ERICH1: variants seen among roughly 807,000 people sequenced by gnomAD.
ERICH1 encodes glutamate rich 1, also known as glutamate-rich protein 1.
In ERICH1, 56 loss-of-function variants were observed where a neutral mutation model predicts 39.6. The ratio of observed to expected loss-of-function variants is 1.41; its 90% CI spans 1.14 to 1.77. The LOEUF (loss-of-function observed/expected upper bound fraction) is 1.77, where lower values mean the gene tolerates loss of function less well. Ranked by LOEUF, ERICH1 falls within the 40% of genes most tolerant of loss-of-function variation. The pLI is 0.00. For missense variants in ERICH1, 826 were observed against 575.4 expected (o/e 1.44, Z -4.45); for synonymous variants, 313 against 223.6 (o/e 1.40, Z -3.57).
Position 699,931 on chromosome 8 carries a change from G to A in ERICH1, c.170-7319C>T, listed in dbSNP as rs527562097. On this transcript the variant is annotated intron_variant, in intron 2 of 5. Coordinates refer to ENST00000262109, the MANE Select transcript of ERICH1 (RefSeq NM_207332.3). Reference sequence around the variant, plus strand: ...CACAGGCGCACAGGCCCGCACAGGCGCACAGACCCGCACACGCGCACAGGC... The same window carrying A: ...CACAGGCGCACAGGCCCGCACAGGCACACAGACCCGCACACGCGCACAGGC... Among the ~76,000 whole-genome samples, 10 of 133,530 alleles carry A rather than the reference G, an allele frequency of 7.5e-5. 1 individual carries two copies. In the South Asian group the frequency reaches 2.2e-3, roughly 29 times the overall value. 87.6% of individuals were successfully genotyped at this position (133,530 alleles called of 152,430 possible).
intron 3 of ERICH1, 49 bp downstream of exon 3, chr8:692,429 C>G (rs370318204): frequency 1.4e-5 from 23 of 1,610,908 alleles, no homozygotes; most frequent in Admixed American, 1.7e-5. Context: ...TTGGGAAATA[C>G]GAGCTTATCT....
chr8:684,977 T>G (rs530939903), intron 3 of ERICH1, among the ~76,000 whole-genome samples: 4 of 152,240 alleles, frequency 2.6e-5, no homozygotes, highest in African/African-American at 9.6e-5. Context: ...CATGTTCCAC[T>G]GTGCATACAT....
chr8:616,402 G>T (rs1474001909), intron 3 of ERICH1: 4 of 378,924 alleles, frequency 1.1e-5, no homozygotes, highest in South Asian at 7.7e-5. Context: ...CTCCTGCCAC[G>T]TGTGTGAGGC....
At chr8:630,986 C>T (rs1440200794) in intron 3 of ERICH1, among the ~76,000 whole-genome samples, 5 of 151,060 alleles carry the variant, frequency 3.3e-5, no homozygotes, top group African/African-American at 9.7e-5. Context: ...AGCTGACTCA[C>T]AACCTCCTAT....
At chr8:720,197 C>T (rs571460882) in intron 1 of ERICH1, among the ~76,000 whole-genome samples, 9 of 152,344 alleles carry the variant, frequency 5.9e-5, no homozygotes, top group African/African-American at 2.2e-4. Context: ...CAAATGAGAC[C>T]TCTGAGAGGC....
At chr8:672,916 TG>T (rs1803755136) in intron 4 of ERICH1, among the ~76,000 whole-genome samples, 1 of 152,236 alleles carries the variant, frequency 6.6e-6, no homozygotes, top group African/African-American at 2.4e-5. Flanking sequence ...ACCTCCAATC[TG>T]GATTTATCTC....
intron 1 of ERICH1, among the ~76,000 whole-genome samples, chr8:720,092 C>A (rs59941027): frequency 6.6e-6 from 1 of 152,184 alleles, no homozygotes; most frequent in Non-Finnish European, 1.5e-5. Context: ...GTCTTCTGAA[C>A]ACAAAATCTC....
chr8:699,024 G>A (rs1811043909), intron 2 of ERICH1, among the ~76,000 whole-genome samples: 7 of 151,792 alleles, frequency 4.6e-5, no homozygotes, highest in Admixed American at 4.6e-4. Context: ...GAGGCTCAGT[G>A]GAGCCCAGGA....
intron 1 of ERICH1, among the ~76,000 whole-genome samples, chr8:724,959 C>T (rs143138057): frequency 4.5e-4 from 69 of 152,326 alleles, no homozygotes; most frequent in African/African-American, 1.6e-3. Context: ...TTCTTCCCTG[C>T]GCCAGCCACG....
intron 1 of ERICH1, among the ~76,000 whole-genome samples, chr8:723,212 C>T (rs1055879255): frequency 6.6e-6 from 1 of 152,228 alleles, no homozygotes; most frequent in South Asian, 2.1e-4. Flanking sequence ...CCCGACGGGG[C>T]CTCACCAGAA....
At chr8:624,033 A>G (rs900072815) in intron 3 of ERICH1, among the ~76,000 whole-genome samples, 1 of 152,240 alleles carries the variant, frequency 6.6e-6, no homozygotes, top group Non-Finnish European at 1.5e-5. Flanking sequence ...AAAATAAATA[A>G]ATAACTTTTA....
chr8:635,101 T>TA (rs35192955), intron 3 of ERICH1, among the ~76,000 whole-genome samples: 1,693 of 144,978 alleles, frequency 0.012, 21 homozygotes, highest in African/African-American at 0.041. Flanking sequence ...GCCACTCAGC[T>TA]AAAAAAAAAA....
chr8:722,631 G>C (rs1054582368), intron 1 of ERICH1, among the ~76,000 whole-genome samples: 5 of 152,202 alleles, frequency 3.3e-5, no homozygotes, highest in Admixed American at 3.3e-4. Context: ...AAATCTAACA[G>C]TTGGGTATGC....
intron 5 of ERICH1, among the ~76,000 whole-genome samples, chr8:664,943 C>T (rs553414258): frequency 6.6e-6 from 1 of 152,328 alleles, no homozygotes; most frequent in African/African-American, 2.4e-5. Flanking sequence ...GGCTCTATTA[C>T]ACCTTAACTT....
At chr8:672,880 T>G (rs1020565) in intron 4 of ERICH1, among the ~76,000 whole-genome samples, 2 of 152,156 alleles carry the variant, frequency 1.3e-5, no homozygotes, top group Non-Finnish European at 2.9e-5. Context: ...TCAGTCTGCT[T>G]ATGAAGGTGA....
chr8:721,765 G>T (rs942752219), intron 1 of ERICH1, among the ~76,000 whole-genome samples: 1 of 152,056 alleles, frequency 6.6e-6, no homozygotes, highest in Non-Finnish European at 1.5e-5. Context: ...TAAACGAAAG[G>T]TTTTTTCCCT....
intron 3 of ERICH1, among the ~76,000 whole-genome samples, chr8:657,417 A>C (rs996979495): frequency 1.1e-4 from 17 of 151,916 alleles, no homozygotes; most frequent in African/African-American, 4.1e-4. Context: ...CTCTGGTCAG[A>C]GGTTTCATTT....
At chr8:641,256 A>G (rs1798945252) in intron 3 of ERICH1, 1 of 152,246 alleles carries the variant, frequency 6.6e-6, no homozygotes, top group South Asian at 2.1e-4. Flanking sequence ...AGTGGAGGAA[A>G]GTGGTACAAA....
intron 3 of ERICH1, among the ~76,000 whole-genome samples, chr8:619,344 T>G (rs1366986673): frequency 1.3e-5 from 2 of 152,224 alleles, no homozygotes; most frequent in Admixed American, 6.5e-5. Context: ...ATTCTGTAGA[T>G]AATTGTAAAA....
Sources: gnomAD v4.1 joint callset for allele counts (sites outside exome capture counted in the v4.1 genomes callset) on GRCh38, gnomAD v4.1.1 for gene constraint, MANE v1.5 for transcripts, NCBI Gene and HGNC (gene_info 2026-07-23, HGNC 2026-07-21) for gene names.